GLB1: variants seen among roughly 807,000 people sequenced by gnomAD.
GLB1 encodes beta-galactosidase.
In GLB1, 56 loss-of-function variants were observed where a neutral mutation model predicts 74.0. The ratio of observed to expected loss-of-function variants is 0.76; its 90% CI spans 0.61 to 0.94. The LOEUF (loss-of-function observed/expected upper bound fraction) is 0.94, where lower values mean the gene tolerates loss of function less well. GLB1 is among the 40% of genes least tolerant of loss of function. The pLI is 0.00. For synonymous variants in GLB1, 323 were observed against 323.6 expected, an observed-to-expected ratio of 1.00 and a Z score of 0.02; for missense variants, 787 against 845.5, an observed-to-expected ratio of 0.93 and a Z score of 0.86.
In GLB1 at chr3:33,018,554, C is replaced by T. The variant is rs1399147380; in HGVS notation, c.1241G>A (p.Gly414Glu). 2 of 1,613,970 alleles carry T rather than the reference C, an allele frequency of 1.2e-6. No individual in the cohort carries two copies. Among genetic ancestry groups the T allele is most frequent in the Admixed American group, 3.3e-5 (2 of 59,996 alleles). The change falls in exon 13 of 16, where the codon GGG becomes GAG. Residue 414 changes from glycine (G) to glutamate (E), a missense_variant. Coordinates refer to ENST00000307363, the MANE Select transcript of GLB1 (RefSeq NM_000404.4). The part of the protein sequence containing the change: ...LTFIQVKQHY[G>E]FVLYRTTLPQ... ...AAGTGTTGTCCGGTACAGCACAAAC[C>T]CATAATGCTGGTTAGAAAAGGATTT...
chr3:33,047,034 C>T (rs541328028), intron 9 of GLB1, among the ~76,000 whole-genome samples: 3 of 152,320 alleles, frequency 2.0e-5, no homozygotes, highest in African/African-American at 7.2e-5. Flanking sequence ...AGCTGCAGAG[C>T]TCCCTCTAAG....
the GLB1 span, among the ~76,000 whole-genome samples, chr3:32,973,072 C>G: frequency 1.3e-5 from 2 of 152,220 alleles, no homozygotes; most frequent in Non-Finnish European, 2.9e-5. Flanking sequence ...TCCCCCTGCA[C>G]AGATCTCCCC....
intron 5 of GLB1, among the ~76,000 whole-genome samples, chr3:33,063,815 G>A (rs949979462): frequency 6.6e-6 from 1 of 152,202 alleles, no homozygotes; most frequent in Non-Finnish European, 1.5e-5. Context: ...GACACAAGAT[G>A]GTAAAAACTA....
the GLB1 span, among the ~76,000 whole-genome samples, chr3:32,984,174 G>A: frequency 5.9e-5 from 9 of 151,994 alleles, no homozygotes; most frequent in East Asian, 1.7e-3. Context: ...TCCACACTAG[G>A]GCTAGCCTCT....
At chr3:32,984,804 T>G in the GLB1 span, among the ~76,000 whole-genome samples, 2 of 151,838 alleles carry the variant, frequency 1.3e-5, no homozygotes, top group African/African-American at 4.8e-5. Context: ...TAGCTGGGTG[T>G]GGTGGCACGT....
At chr3:33,066,523 C>A (rs1397421224) in intron 4 of GLB1, among the ~76,000 whole-genome samples, 2 of 152,176 alleles carry the variant, frequency 1.3e-5, no homozygotes, top group African/African-American at 2.4e-5. Context: ...GCCTCCATAA[C>A]TGTAGGAAAT....
chr3:32,998,729 A>C (rs959678687), intron 15 of GLB1, among the ~76,000 whole-genome samples: 8 of 152,060 alleles, frequency 5.3e-5, no homozygotes, highest in Non-Finnish European at 1.2e-4. Flanking sequence ...AGAAACTGTG[A>C]CCTACAATGG....
downstream of GLB1, among the ~76,000 whole-genome samples, chr3:32,995,749 G>A (rs1696296347): frequency 6.6e-6 from 1 of 151,028 alleles, no homozygotes; most frequent in African/African-American, 2.4e-5. Context: ...GGAGGTCAAG[G>A]TAGGAAGATC....
At chr3:33,045,677 A>G in intron 10 of GLB1, 2 of 1,022,204 alleles carry the variant, frequency 2.0e-6, no homozygotes, top group Non-Finnish European at 2.4e-6. Context: ...TCTCAAGGAT[A>G]GGGGCTCCCA....
intron 4 of GLB1, among the ~76,000 whole-genome samples, chr3:33,067,747 C>T (rs1196545940): frequency 2.6e-5 from 4 of 152,188 alleles, no homozygotes; most frequent in African/African-American, 9.7e-5. Flanking sequence ...AGCCTAATTT[C>T]CTAGAGGTTT....
chr3:33,096,326 C>A, intron 1 of GLB1: 1 of 939,356 alleles, frequency 1.1e-6, no homozygotes, highest in African/African-American at 1.8e-5. Context: ...ACTGTGCACG[C>A]CCCGCACCTC....
the GLB1 span, among the ~76,000 whole-genome samples, chr3:32,985,193 G>A: frequency 0.014 from 2,087 of 151,534 alleles, 55 homozygotes; most frequent in African/African-American, 0.048. Flanking sequence ...AATGCTGTAC[G>A]ATGGAGGATT....
chr3:33,090,645 T>G, intron 1 of GLB1: 2 of 985,406 alleles, frequency 2.0e-6, no homozygotes, highest in Non-Finnish European at 2.4e-6. Context: ...TTTAAGAATG[T>G]TGAACAAAGG....
rs1469399437 is a variant in GLB1, at chr3:33,007,289, C to T, written c.1734+6767G>A. ...TTAGTATACTACAGAGCTGCACAAC[C>T]ATTACCAAAGTCAATTATAGAACAT... is the stretch of plus-strand genomic sequence containing the variant. On this transcript the variant is annotated intron_variant, in intron 15 of 15. Coordinates refer to ENST00000307363, the MANE Select transcript of GLB1 (RefSeq NM_000404.4). Among the ~76,000 whole-genome samples the T allele has an allele frequency of 9.8e-5, 15 of 152,342 alleles. No homozygotes were observed. In the East Asian group the frequency reaches 2.7e-3, roughly 27 times the overall value.
At chr3:33,077,423 G>A in intron 1 of GLB1, 1 of 922,528 alleles carries the variant, frequency 1.1e-6, no homozygotes, top group South Asian at 1.3e-5. Context: ...AGACACACCT[G>A]CTCAGTTGGA....
rs1439492093 is a variant in GLB1 at position 33,014,322 on chromosome 3, A to C, written c.1480-12T>G. 10 of 1,613,324 alleles carry C rather than the reference A, an allele frequency of 6.2e-6. No individual in the cohort carries two copies. Among genetic ancestry groups the C allele is most frequent in the Non-Finnish European group, 8.5e-6 (10 of 1,179,656 alleles). ...TTAGAAACCAAACCCTGCAAAGCAG[A>C]AACAGAGCACAGTGAGCTGGGGAGG... On this transcript the variant is annotated splice_polypyrimidine_tract_variant and intron_variant, in intron 14 of 15. Transcript: ENST00000307363.
intron 5 of GLB1, among the ~76,000 whole-genome samples, chr3:33,065,094 T>C (rs1299525739): frequency 6.6e-6 from 1 of 152,150 alleles, no homozygotes; most frequent in African/African-American, 2.4e-5. Context: ...AAAACAATAT[T>C]GCAGGAGAAA....
the GLB1 span, among the ~76,000 whole-genome samples, chr3:32,962,061 G>T: frequency 6.6e-6 from 1 of 152,176 alleles, no homozygotes; most frequent in Non-Finnish European, 1.5e-5. Flanking sequence ...GGGCATGGTG[G>T]TGCGTGCTGG....
chr3:33,076,031 C>T (rs1191889006), intron 1 of GLB1, among the ~76,000 whole-genome samples: 3 of 145,094 alleles, frequency 2.1e-5, no homozygotes, highest in African/African-American at 5.2e-5. Flanking sequence ...GGCGACAGTG[C>T]GAGACTCTGT....
Sources: allele counts gnomAD v4.1 joint callset (sites outside exome capture counted in the v4.1 genomes callset), GRCh38; gene constraint gnomAD v4.1.1; transcripts MANE v1.5; gene names NCBI Gene and HGNC (gene_info 2026-07-23, HGNC 2026-07-21).